SGCZ: variants seen among roughly 807,000 people sequenced by gnomAD.
SGCZ encodes the protein zeta-sarcoglycan.
Under a neutral mutation model 41.3 loss-of-function variants are expected in SGCZ, and 40 were observed. The observed-to-expected ratio is 0.97, with a 90% CI of 0.75 to 1.26. SGCZ has a LOEUF of 1.26. Ranked by LOEUF, SGCZ falls within the 50% of genes most tolerant of loss-of-function variation. The pLI is 0.00. For missense variants in SGCZ, 552 were observed against 369.8 expected (o/e 1.49, Z -4.04); for synonymous variants, 206 against 137.5 (o/e 1.50, Z -3.49).
intron 3 of SGCZ, among the ~76,000 whole-genome samples, chr8:14,300,772 T>C (rs1047262503): frequency 6.6e-6 from 1 of 151,990 alleles, no homozygotes; most frequent in African/African-American, 2.4e-5. Flanking sequence ...TATGTCTTCT[T>C]TTGAGAAATT....
intron 1 of SGCZ, among the ~76,000 whole-genome samples, chr8:15,143,398 G>T (rs924133757): frequency 8.5e-5 from 13 of 152,128 alleles, no homozygotes; most frequent in African/African-American, 3.1e-4. Context: ...TTTCTATAAG[G>T]CTCAAGCAAA....
intron 1 of SGCZ, among the ~76,000 whole-genome samples, chr8:15,026,341 A>G (rs1803457360): frequency 1.3e-5 from 2 of 152,210 alleles, no homozygotes; most frequent in Admixed American, 1.3e-4. Flanking sequence ...GTTTTCAAAC[A>G]CTGACATTTT....
intron 1 of SGCZ, among the ~76,000 whole-genome samples, chr8:14,632,853 A>G (rs1170653660): frequency 3.3e-5 from 5 of 152,100 alleles, no homozygotes. Flanking sequence ...GAAATAAATG[A>G]ATGGATAAAG....
intron 1 of SGCZ, among the ~76,000 whole-genome samples, chr8:15,231,902 G>C (rs1044400269): frequency 1.3e-5 from 2 of 152,082 alleles, no homozygotes; most frequent in African/African-American, 4.8e-5. Context: ...GATTACAGGC[G>C]TGAGCCACCA....
chr8:15,077,290 C>T (rs1480052308), intron 1 of SGCZ, among the ~76,000 whole-genome samples: 1 of 152,056 alleles, frequency 6.6e-6, no homozygotes, highest in African/African-American at 2.4e-5. Flanking sequence ...GGTAAATTGA[C>T]CTATTAACAT....
intron 1 of SGCZ, among the ~76,000 whole-genome samples, chr8:14,801,407 A>G (rs956975934): frequency 6.6e-6 from 1 of 152,238 alleles, no homozygotes; most frequent in Admixed American, 6.5e-5. Flanking sequence ...TAGAATATTT[A>G]CAAAGCAAAT....
chr8:14,637,072 C>T (rs997913200), intron 1 of SGCZ, among the ~76,000 whole-genome samples: 1 of 151,324 alleles, frequency 6.6e-6, no homozygotes, highest in Non-Finnish European at 1.5e-5. Context: ...ATTCTGGATT[C>T]GTGTTTCACT....
chr8:14,577,653 G>T (rs567689943), intron 1 of SGCZ, among the ~76,000 whole-genome samples: 2 of 152,100 alleles, frequency 1.3e-5, no homozygotes, highest in Non-Finnish European at 2.9e-5. Flanking sequence ...CTCCCAAAGT[G>T]CTGGGATTAC....
intron 1 of SGCZ, among the ~76,000 whole-genome samples, chr8:14,797,275 G>C (rs968105669): frequency 6.6e-6 from 1 of 152,092 alleles, no homozygotes; most frequent in Non-Finnish European, 1.5e-5. Flanking sequence ...ACTTCCTAGA[G>C]ACTTGTTGAA....
intron 3 of SGCZ, among the ~76,000 whole-genome samples, chr8:14,252,327 T>A (rs1371938664): frequency 2.0e-5 from 3 of 152,124 alleles, no homozygotes; most frequent in Non-Finnish European, 4.4e-5. Context: ...ACTTGTCAGA[T>A]ATATTGTTTT....
At chr8:14,752,901 A>G (rs1799542448) in intron 1 of SGCZ, among the ~76,000 whole-genome samples, 1 of 152,212 alleles carries the variant, frequency 6.6e-6, no homozygotes, top group East Asian at 1.9e-4. Context: ...TTTGAGATAA[A>G]TGATAGTCTG....
At chr8:15,102,700 T>TA (rs1460798171) in intron 1 of SGCZ, among the ~76,000 whole-genome samples, 15 of 152,180 alleles carry the variant, frequency 9.9e-5, no homozygotes, top group African/African-American at 1.4e-4. Context: ...TATTCTATTG[T>TA]AAAAAAATTA....
intron 2 of SGCZ, among the ~76,000 whole-genome samples, chr8:14,416,152 G>A (rs182222098): frequency 3.9e-5 from 6 of 151,980 alleles, no homozygotes; most frequent in African/African-American, 1.4e-4. Flanking sequence ...TAACATGCAT[G>A]TGTGTGCACA....
chr8:14,845,496 G>A (rs900996496), intron 1 of SGCZ, among the ~76,000 whole-genome samples: 7 of 152,052 alleles, frequency 4.6e-5, no homozygotes, highest in African/African-American at 1.7e-4. Flanking sequence ...ATAATAAGCA[G>A]GAAAAGATGG....
chr8:14,669,547 T>A (rs951654560), intron 1 of SGCZ, among the ~76,000 whole-genome samples: 2 of 152,144 alleles, frequency 1.3e-5, no homozygotes, highest in South Asian at 4.1e-4. Flanking sequence ...CAACATAGAT[T>A]CCATATATAA....
rs558253742 is a variant in SGCZ, at chr8:14,164,504, T to A, written c.547+76A>T. 6 of 1,559,696 alleles carry A rather than the reference T, an allele frequency of 3.8e-6. No homozygotes were observed. In the East Asian group the frequency reaches 1.3e-4, roughly 35 times the overall value. ...ACTTTAGGCATAGGAATCATCCATC[T>A]TATTAAGAAGCTCCTTGTGCAGTTG... On this transcript the variant is annotated intron_variant, in intron 5 of 7. Coordinates refer to ENST00000382080, the MANE Select transcript of SGCZ (RefSeq NM_139167.4).
At chr8:14,494,481 A>C (rs544982700) in intron 2 of SGCZ, among the ~76,000 whole-genome samples, 1 of 152,274 alleles carries the variant, frequency 6.6e-6, no homozygotes, top group African/African-American at 2.4e-5. Context: ...AAAGTTAATA[A>C]AGTTAAAGTT....
chr8:14,972,155 G>A (rs750224562), intron 1 of SGCZ, among the ~76,000 whole-genome samples: 3 of 151,908 alleles, frequency 2.0e-5, no homozygotes, highest in Non-Finnish European at 2.9e-5. Flanking sequence ...TAAATGATAC[G>A]GAGTTTGCCT....
At chr8:14,385,623 T>C (rs946796243) in intron 2 of SGCZ, among the ~76,000 whole-genome samples, 2 of 152,108 alleles carry the variant, frequency 1.3e-5, no homozygotes, top group Non-Finnish European at 2.9e-5. Context: ...TAATAGTCCA[T>C]GGGGTCTTGG....
Sources: allele counts gnomAD v4.1 joint callset (sites outside exome capture counted in the v4.1 genomes callset), GRCh38; gene constraint gnomAD v4.1.1; transcripts MANE v1.5; gene names NCBI Gene and HGNC (gene_info 2026-07-23, HGNC 2026-07-21).